The following ADK variants were observed in gnomAD, a reference collection of about 807,000 sequenced individuals.
ADK encodes N6,N6-dimethyladenosine kinase.
Under a neutral mutation model 44.7 loss-of-function variants are expected in ADK, and 24 were observed. The observed-to-expected ratio is 0.54, with a 90% CI of 0.39 to 0.76. ADK has a LOEUF of 0.76. ADK is among the 30% of genes least tolerant of loss of function. ADK has a pLI of 0.00. For missense variants in ADK, 321 were observed against 425.1 expected (o/e 0.76, Z 2.15); for synonymous variants, 128 against 142.6 (o/e 0.90, Z 0.73).
chr10:74,555,603 C>T (rs1850216776), intron 7 of ADK, among the ~76,000 whole-genome samples: 1 of 147,066 alleles, frequency 6.8e-6, no homozygotes, highest in African/African-American at 2.5e-5. Context: ...AGAGCAAGAC[C>T]TTGTCTCGAA....
chr10:74,631,423 G>GTT (rs80277195), intron 9 of ADK, among the ~76,000 whole-genome samples: 15 of 132,598 alleles, frequency 1.1e-4, no homozygotes, highest in African/African-American at 2.5e-4. Context: ...TTTTTGTTTT[G>GTT]TTTTTTTTTT....
intron 1 of ADK, chr10:74,176,952 T>A (rs1217869235): frequency 1.3e-6 from 2 of 1,595,738 alleles, no homozygotes; most frequent in Non-Finnish European, 8.5e-7. Context: ...GCGTGAGCAC[T>A]GTCGCTCCTT....
chr10:74,322,554 G>A (rs1840850914), intron 4 of ADK, among the ~76,000 whole-genome samples: 1 of 152,050 alleles, frequency 6.6e-6, no homozygotes, highest in Admixed American at 6.6e-5. Flanking sequence ...AAATTAGGTT[G>A]TTAAGTTTTC....
chr10:74,314,607 T>A, intron 3 of ADK, 60 bp from the exon 4 acceptor site: 1 of 1,124,150 alleles, frequency 8.9e-7, no homozygotes, highest in East Asian at 2.4e-5. Context: ...CTCAGAAAAG[T>A]TTACTTTGTT....
At chr10:74,577,000 C>T (rs1451449483) in intron 7 of ADK, among the ~76,000 whole-genome samples, 2 of 152,006 alleles carry the variant, frequency 1.3e-5, no homozygotes, top group Non-Finnish European at 2.9e-5. Context: ...CAGAAGTATT[C>T]AGTATCTCTT....
intron 9 of ADK, among the ~76,000 whole-genome samples, chr10:74,648,013 A>G (rs947415793): frequency 2.0e-5 from 3 of 152,150 alleles, no homozygotes; most frequent in African/African-American, 4.8e-5. Context: ...TGCATCTTCA[A>G]TAGATTAAAA....
At chr10:74,203,412 G>A (rs893377480) in intron 2 of ADK, among the ~76,000 whole-genome samples, 2 of 151,982 alleles carry the variant, frequency 1.3e-5, no homozygotes, top group African/African-American at 4.8e-5. Context: ...AGGATGGGGT[G>A]CAGTGATGCA....
chr10:74,578,128 A>C (rs571034995), intron 7 of ADK, among the ~76,000 whole-genome samples: 1 of 152,266 alleles, frequency 6.6e-6, no homozygotes, highest in South Asian at 2.1e-4. Context: ...ACATTGGTTC[A>C]CATTTGAACA....
At chr10:74,279,707 T>C (rs936324021) in intron 3 of ADK, among the ~76,000 whole-genome samples, 1 of 152,134 alleles carries the variant, frequency 6.6e-6, no homozygotes, top group Non-Finnish European at 1.5e-5. Context: ...CTCGAATTTT[T>C]TTTTTTCATG....
rs1174822968 is a variant in ADK at position 74,682,121 on chromosome 10, A to C, written c.964+11852A>C. On this transcript the variant is annotated intron_variant, in intron 10 of 10. Coordinates refer to ENST00000539909, the MANE Select transcript of ADK (RefSeq NM_006721.4). ...TGCTCCATGAAGAAGAATGACTTTTAAAGCAGTGTTTTGAAAGGGATTAGG... is the reference window on the plus strand; with the variant it reads ...TGCTCCATGAAGAAGAATGACTTTTCAAGCAGTGTTTTGAAAGGGATTAGG... Among the ~76,000 whole-genome samples the C allele has an allele frequency of 2.0e-5, 3 of 152,204 alleles. No homozygotes were observed. In the East Asian group the frequency reaches 5.8e-4, roughly 29 times the overall value.
chr10:74,248,315 G>A (rs528397763), intron 3 of ADK, among the ~76,000 whole-genome samples: 83 of 152,162 alleles, frequency 5.5e-4, no homozygotes, highest in African/African-American at 1.7e-3. Context: ...AGGAGTACTA[G>A]CAAATGAATC....
At chr10:74,468,211 C>T (rs551678931) in intron 6 of ADK, among the ~76,000 whole-genome samples, 2 of 152,244 alleles carry the variant, frequency 1.3e-5, no homozygotes, top group African/African-American at 2.4e-5. Flanking sequence ...TCACTGTTTT[C>T]GTAAAGACAA....
At chr10:74,184,992 CT>C (rs1842693821) in intron 1 of ADK, among the ~76,000 whole-genome samples, 1 of 152,108 alleles carries the variant, frequency 6.6e-6, no homozygotes. Context: ...TGTTATCTTA[CT>C]TTTGGGAGGT....
chr10:74,366,293 A>G (rs888313835), intron 4 of ADK, among the ~76,000 whole-genome samples: 5 of 152,212 alleles, frequency 3.3e-5, no homozygotes, highest in Admixed American at 2.0e-4. Context: ...AAGTTTTAAT[A>G]TAGAACACTC....
intron 4 of ADK, among the ~76,000 whole-genome samples, chr10:74,330,467 A>T (rs1841179913): frequency 6.6e-6 from 1 of 152,158 alleles, no homozygotes; most frequent in Non-Finnish European, 1.5e-5. Context: ...GTTCTTTAAT[A>T]CTTCTCCATT....
intron 4 of ADK, among the ~76,000 whole-genome samples, chr10:74,342,528 A>C (rs1231776512): frequency 6.6e-6 from 1 of 152,184 alleles, no homozygotes; most frequent in African/African-American, 2.4e-5. Flanking sequence ...GCTGAAGTGC[A>C]GTGGCACAAA....
chr10:74,684,059 A>G (rs1340724657), intron 10 of ADK, among the ~76,000 whole-genome samples: 2 of 152,216 alleles, frequency 1.3e-5, no homozygotes, highest in African/African-American at 4.8e-5. Flanking sequence ...GCACAGTGTC[A>G]GGGTGGATGA....
chr10:74,627,890 G>A (rs1445771674), intron 9 of ADK, among the ~76,000 whole-genome samples: 1 of 152,108 alleles, frequency 6.6e-6, no homozygotes. Flanking sequence ...ACCTGCCTTG[G>A]CCTACCAAAG....
intron 7 of ADK, among the ~76,000 whole-genome samples, chr10:74,585,154 T>G (rs754692002): frequency 1.5e-4 from 23 of 152,296 alleles, no homozygotes; most frequent in Non-Finnish European, 2.2e-4. Flanking sequence ...ATTAACATAG[T>G]TTTTCCCTAA....
Sources: gnomAD v4.1 joint callset for allele counts (sites outside exome capture counted in the v4.1 genomes callset) on GRCh38, gnomAD v4.1.1 for gene constraint, MANE v1.5 for transcripts, NCBI Gene and HGNC (gene_info 2026-07-23, HGNC 2026-07-21) for gene names.